The following TBC1D22A variants were observed in gnomAD, a reference collection of about 807,000 sequenced individuals.
TBC1D22A encodes TBC1 domain family member 22A.
TBC1D22A carries 38 observed loss-of-function variants against 60.2 expected under a neutral mutation model. The ratio of observed to expected loss-of-function variants is 0.63; its 90% confidence interval spans 0.49 to 0.83. The LOEUF is 0.83. Ranked by LOEUF, TBC1D22A falls within the 40% of genes least tolerant of loss-of-function variation. The pLI, the probability that TBC1D22A is intolerant of heterozygous loss-of-function variation, is 0.00. For synonymous variants in TBC1D22A, 302 were observed against 281.7 expected (o/e 1.07, Z -0.72); for missense variants, 628 against 701.0 (o/e 0.90, Z 1.18).
intron 8 of TBC1D22A, among the ~76,000 whole-genome samples, chr22:46,912,587 T>C (rs1323863703): frequency 6.6e-6 from 1 of 152,182 alleles, no homozygotes; most frequent in Non-Finnish European, 1.5e-5. Context: ...GACGGAGTGT[T>C]GCTCTGCTGC....
At chr22:47,135,920 G>T (rs577743440) in intron 12 of TBC1D22A, among the ~76,000 whole-genome samples, 1 of 152,344 alleles carries the variant, frequency 6.6e-6, no homozygotes, top group East Asian at 1.9e-4. Context: ...CGTGCCATGT[G>T]CCAGGACCAC....
intron 11 of TBC1D22A, among the ~76,000 whole-genome samples, chr22:47,067,111 C>A (rs551144866): frequency 6.6e-6 from 1 of 152,246 alleles, no homozygotes; most frequent in East Asian, 1.9e-4. Flanking sequence ...ACTAAAAATA[C>A]AAAAATTAGC....
chr22:46,873,146 A>C lies in TBC1D22A; in HGVS notation c.638-5507A>C, dbSNP rs529513306. On this transcript the variant is annotated intron_variant, in intron 4 of 12. Coordinates refer to ENST00000337137, the MANE Select transcript of TBC1D22A (RefSeq NM_014346.5). ...GCAATGGAACAGAAAAATATGACCC[A>C]TAATCAGAAGAAAAATTAGCAATTA... 2.2e-3 allele frequency among the ~76,000 whole-genome samples: 330 copies of C among 152,322 alleles called. 1 individual carries two copies. The highest frequency in any genetic ancestry group is 7.6e-3 in the African/African-American group (316 of 41,586).
intron 4 of TBC1D22A, among the ~76,000 whole-genome samples, chr22:46,819,874 T>A (rs1302943444): frequency 6.6e-6 from 1 of 152,210 alleles, no homozygotes; most frequent in Non-Finnish European, 1.5e-5. Context: ...TCCTGGACTT[T>A]TTTTGGTTGG....
chr22:46,808,950 A>G (rs930664498), intron 4 of TBC1D22A, among the ~76,000 whole-genome samples: 1 of 152,252 alleles, frequency 6.6e-6, no homozygotes, highest in African/African-American at 2.4e-5. Flanking sequence ...TTGAAATCCC[A>G]GACTATGTTC....
At chr22:47,007,326 G>A (rs1023847067) in intron 10 of TBC1D22A, among the ~76,000 whole-genome samples, 1 of 152,302 alleles carries the variant, frequency 6.6e-6, no homozygotes, top group Non-Finnish European at 1.5e-5. Context: ...TCTGCAGAGC[G>A]TCTCCAGCAG....
At chr22:47,008,255 C>A (rs1270037315) in intron 10 of TBC1D22A, among the ~76,000 whole-genome samples, 2 of 152,198 alleles carry the variant, frequency 1.3e-5, no homozygotes, top group Non-Finnish European at 2.9e-5. Context: ...TATGTTTGTT[C>A]TGTGTGGAGC....
intron 4 of TBC1D22A, among the ~76,000 whole-genome samples, chr22:46,868,642 G>T (rs958104064): frequency 2.2e-4 from 33 of 152,122 alleles, no homozygotes; most frequent in African/African-American, 8.0e-4. Flanking sequence ...GGCTATTGTT[G>T]CTGGTACTTG....
At chr22:46,843,214 A>G (rs772110457) in intron 4 of TBC1D22A, among the ~76,000 whole-genome samples, 29 of 152,194 alleles carry the variant, frequency 1.9e-4, no homozygotes, top group Non-Finnish European at 4.0e-4. Flanking sequence ...AGTGGGAATC[A>G]CTTGCTTCTG....
chr22:46,906,199 C>A (rs2069452282), intron 7 of TBC1D22A, among the ~76,000 whole-genome samples: 1 of 152,202 alleles, frequency 6.6e-6, no homozygotes, highest in East Asian at 1.9e-4. Flanking sequence ...CCTACTGCTA[C>A]CCAAAAAAAT....
chr22:47,110,088 G>C (rs1366647937), intron 11 of TBC1D22A, among the ~76,000 whole-genome samples: 1 of 152,152 alleles, frequency 6.6e-6, no homozygotes, highest in African/African-American at 2.4e-5. Context: ...TAGCTGTGCT[G>C]GTCTCCTCGC....
At chr22:47,000,551 T>G (rs1157769690) in intron 10 of TBC1D22A, among the ~76,000 whole-genome samples, 1 of 152,114 alleles carries the variant, frequency 6.6e-6, no homozygotes, top group East Asian at 1.9e-4. Context: ...GAAAGGAGGA[T>G]GGGCGGCAGC....
chr22:47,079,966 G>A (rs183948426), intron 11 of TBC1D22A, among the ~76,000 whole-genome samples: 2 of 152,282 alleles, frequency 1.3e-5, no homozygotes, highest in Admixed American at 6.5e-5. Flanking sequence ...TCAGTAGAAG[G>A]CTGGCTACAT....
chr22:46,873,170 TAGAAAC>T (rs1307161141), intron 4 of TBC1D22A, among the ~76,000 whole-genome samples: 5 of 152,024 alleles, frequency 3.3e-5, no homozygotes, highest in Non-Finnish European at 7.4e-5. Flanking sequence ...AATTAGCAAT[TAGAAAC>T]AGACTCATGA....
chr22:46,984,594 A>G (rs537178243), intron 9 of TBC1D22A, among the ~76,000 whole-genome samples: 13 of 152,288 alleles, frequency 8.5e-5, no homozygotes, highest in Non-Finnish European at 5.9e-5. Context: ...ACTACTGAAC[A>G]GGACAATTTC....
In TBC1D22A at chr22:46,794,170, A is replaced by C. The variant is rs557553681; in HGVS notation, c.460+329A>C. ...GCTGGCCGTGAGAGGGCCACGGGGG[A>C]GCAAGCGCCTGGGGACACTGTCTCC... On this transcript the variant is annotated intron_variant, in intron 3 of 12. Coordinates refer to ENST00000337137, the MANE Select transcript of TBC1D22A (RefSeq NM_014346.5). Among the ~76,000 whole-genome samples, 215 of 152,158 alleles carry C rather than the reference A, an allele frequency of 1.4e-3. 2 individuals are homozygous for C. The highest frequency in any genetic ancestry group is 4.8e-3 in the African/African-American group (200 of 41,510).
chr22:47,093,329 G>A (rs1311697316), intron 11 of TBC1D22A, among the ~76,000 whole-genome samples: 1 of 152,146 alleles, frequency 6.6e-6, no homozygotes, highest in African/African-American at 2.4e-5. Context: ...TCAGGCCCTT[G>A]CTAAAATATG....
chr22:46,824,526 G>T (rs1017427721), intron 4 of TBC1D22A, among the ~76,000 whole-genome samples: 3 of 152,208 alleles, frequency 2.0e-5, no homozygotes, highest in Non-Finnish European at 4.4e-5. Context: ...GGCCCCTGAG[G>T]GCGGTGGAAG....
At chr22:46,954,543 C>A (rs1223514449) in intron 8 of TBC1D22A, among the ~76,000 whole-genome samples, 1 of 152,206 alleles carries the variant, frequency 6.6e-6, no homozygotes, top group East Asian at 1.9e-4. Flanking sequence ...GCTCATCTTT[C>A]CAAAGCACAG....
Sources: allele counts gnomAD v4.1 joint callset (sites outside exome capture counted in the v4.1 genomes callset), GRCh38; gene constraint gnomAD v4.1.1; transcripts MANE v1.5; gene names NCBI Gene and HGNC (gene_info 2026-07-23, HGNC 2026-07-21).